The following TENM4 variants were observed in gnomAD, a reference collection of about 807,000 sequenced individuals.
TENM4 encodes teneurin-4.
In TENM4, 82 loss-of-function variants were observed where a neutral mutation model predicts 243.3. That is an observed-to-expected ratio of 0.34 (90% CI 0.28 to 0.40). TENM4 has a LOEUF of 0.40. TENM4 is among the 10% of genes least tolerant of loss of function. The probability of loss-of-function intolerance (pLI) is 1.00; values close to 1 mark genes in which losing one functional copy is unlikely to be tolerated. For missense variants in TENM4, 3,138 were observed against 3,673.3 expected (o/e 0.85, Z 3.77); for synonymous variants, 1,412 against 1,456.3 (o/e 0.97, Z 0.69).
intron 3 of TENM4, among the ~76,000 whole-genome samples, chr11:79,196,478 G>A (rs1863629414): frequency 1.3e-5 from 2 of 152,128 alleles, no homozygotes; most frequent in Admixed American, 6.5e-5. Context: ...TTAAGCCTCA[G>A]TGTCTCTGTC....
At chr11:79,107,250 T>G (rs1258210291) in intron 4 of TENM4, among the ~76,000 whole-genome samples, 3 of 152,100 alleles carry the variant, frequency 2.0e-5, no homozygotes, top group Non-Finnish European at 4.4e-5. Context: ...TTATTTTTAC[T>G]GTATACAAGA....
chr11:79,378,624 G>T (rs900498182), intron 1 of TENM4, among the ~76,000 whole-genome samples: 2 of 152,066 alleles, frequency 1.3e-5, no homozygotes, highest in Non-Finnish European at 2.9e-5. Context: ...GACTGCTGGG[G>T]GTTGAATCCT....
intron 6 of TENM4, among the ~76,000 whole-genome samples, chr11:78,999,489 C>T (rs536142361): frequency 1.3e-5 from 2 of 152,190 alleles, no homozygotes; most frequent in Admixed American, 6.5e-5. Flanking sequence ...GCACTTCAGC[C>T]TGGGAGACAG....
intron 1 of TENM4, among the ~76,000 whole-genome samples, chr11:79,297,771 A>G (rs1856480002): frequency 6.6e-6 from 1 of 152,076 alleles, no homozygotes; most frequent in South Asian, 2.1e-4. Context: ...ATGGTGCCCA[A>G]CTCTCAGCAC....
chr11:79,300,089 C>T (rs566370755), intron 1 of TENM4, among the ~76,000 whole-genome samples: 2 of 152,334 alleles, frequency 1.3e-5, no homozygotes, highest in East Asian at 3.9e-4. Context: ...TCTGGCTTCC[C>T]TCAGGGCAAC....
rs965961704 is a variant in TENM4, at chr11:78,693,522, A to C, written c.5088-5296T>G. 1.3e-5 allele frequency among the ~76,000 whole-genome samples: 2 copies of C among 152,246 alleles called. 1 individual carries two copies. Among genetic ancestry groups the C allele is most frequent in the African/African-American group, 4.8e-5 (2 of 41,460 alleles). On this transcript the variant is annotated intron_variant, in intron 28 of 33. Coordinates refer to ENST00000278550, the MANE Select transcript of TENM4 (RefSeq NM_001098816.3). Reference sequence around the variant, plus strand: ...GTTTTCCCAAGTCTCAGGTGGGTCAAGAAGACTGGCAGTTGTTTTATTTTC... The same window carrying C: ...GTTTTCCCAAGTCTCAGGTGGGTCACGAAGACTGGCAGTTGTTTTATTTTC...
chr11:78,756,727 A>T, intron 19 of TENM4, 78 bp downstream of exon 19: 1 of 1,390,324 alleles, frequency 7.2e-7, no homozygotes, highest in Non-Finnish European at 9.9e-7. Flanking sequence ...TCCCACCCCC[A>T]TTCATCCAAA....
chr11:79,286,118 G>T (rs1856246075), intron 2 of TENM4, among the ~76,000 whole-genome samples: 1 of 152,142 alleles, frequency 6.6e-6, no homozygotes, highest in Non-Finnish European at 1.5e-5. Context: ...GGAAACAGCT[G>T]ATTTGCTAGA....
chr11:78,877,075 G>A (rs71471425), intron 9 of TENM4, among the ~76,000 whole-genome samples: 133 of 152,340 alleles, frequency 8.7e-4, no homozygotes, highest in Admixed American at 2.7e-3. Flanking sequence ...ACGTGTCTGA[G>A]CTGGGTTTGG....
At chr11:79,100,343 C>T (rs971396218) in intron 4 of TENM4, among the ~76,000 whole-genome samples, 1 of 152,052 alleles carries the variant, frequency 6.6e-6, no homozygotes, top group Admixed American at 6.5e-5. Context: ...CCAGCCTCTT[C>T]CGTGCCCAGT....
chr11:79,192,448 T>C (rs1436205397), intron 3 of TENM4, among the ~76,000 whole-genome samples: 1 of 152,230 alleles, frequency 6.6e-6, no homozygotes, highest in African/African-American at 2.4e-5. Flanking sequence ...CTTGGGATCC[T>C]GTTGATCTGT....
chr11:78,997,739 C>T (rs1363684505), intron 6 of TENM4, among the ~76,000 whole-genome samples: 1 of 152,214 alleles, frequency 6.6e-6, no homozygotes, highest in Non-Finnish European at 1.5e-5. Flanking sequence ...AAGTTCTGGA[C>T]TGGCGTCTAT....
At chr11:79,154,954 A>T in intron 3 of TENM4, among the ~76,000 whole-genome samples, 1 of 152,160 alleles carries the variant, frequency 6.6e-6, no homozygotes, top group South Asian at 2.1e-4. Context: ...TACTCAAAAA[A>T]TACTTGTTGA....
intron 3 of TENM4, among the ~76,000 whole-genome samples, chr11:79,172,322 T>A (rs918633583): frequency 1.3e-5 from 2 of 152,192 alleles, no homozygotes; most frequent in Non-Finnish European, 2.9e-5. Flanking sequence ...GGGGGCATGA[T>A]CAGCCCACTA....
chr11:79,415,020 G>A (rs903224119), intron 1 of TENM4, among the ~76,000 whole-genome samples: 1 of 152,214 alleles, frequency 6.6e-6, no homozygotes, highest in African/African-American at 2.4e-5. Flanking sequence ...GGGGCCAGGA[G>A]GCCGGTTCCC....
At chr11:79,251,465 T>C (rs1026597742) in intron 2 of TENM4, among the ~76,000 whole-genome samples, 5 of 152,334 alleles carry the variant, frequency 3.3e-5, no homozygotes, top group African/African-American at 1.2e-4. Flanking sequence ...CTAGGACAAG[T>C]AGGACCTCTA....
chr11:79,222,672 T>C (rs1380001786), intron 2 of TENM4, among the ~76,000 whole-genome samples: 5 of 152,218 alleles, frequency 3.3e-5, no homozygotes, highest in African/African-American at 7.2e-5. Context: ...GAATCTGTTG[T>C]TCTTGACATT....
intron 32 of TENM4, among the ~76,000 whole-genome samples, chr11:78,665,363 C>T (rs984274187): frequency 3.3e-5 from 5 of 152,034 alleles, no homozygotes; most frequent in African/African-American, 1.2e-4. Context: ...CCTCCGCATC[C>T]CAGGTTGAAG....
intron 1 of TENM4, among the ~76,000 whole-genome samples, chr11:79,403,073 A>G (rs1419178375): frequency 6.6e-6 from 1 of 152,252 alleles, no homozygotes; most frequent in Non-Finnish European, 1.5e-5. Flanking sequence ...TAATAGATGC[A>G]ATCTATCTGC....
Sources: allele counts gnomAD v4.1 joint callset (sites outside exome capture counted in the v4.1 genomes callset), GRCh38; gene constraint gnomAD v4.1.1; transcripts MANE v1.5; gene names NCBI Gene and HGNC (gene_info 2026-07-23, HGNC 2026-07-21).